Variants in EMID1 observed in about 807,000 individuals in gnomAD.
EMID1 encodes the protein EMI domain-containing protein 1.
EMID1 carries 40 observed loss-of-function variants against 60.6 expected under a neutral mutation model. That is an observed-to-expected ratio of 0.66 (90% CI 0.51 to 0.86). The LOEUF is 0.86. Ranked by LOEUF, EMID1 falls within the 40% of genes least tolerant of loss-of-function variation. The probability of loss-of-function intolerance (pLI) is 0.00; values close to 1 mark genes in which losing one functional copy is unlikely to be tolerated. For synonymous variants in EMID1, 242 were observed against 231.0 expected (o/e 1.05, Z -0.43); for missense variants, 585 against 597.1 (o/e 0.98, Z 0.21).
intron 13 of EMID1, among the ~76,000 whole-genome samples, chr22:29,250,905 T>A (rs1378173442): frequency 6.7e-6 from 1 of 150,186 alleles, no homozygotes; most frequent in Admixed American, 6.7e-5. Context: ...TGGAATTTTT[T>A]AAGATCATCT....
chr22:29,246,841 C>A (rs10427715), intron 13 of EMID1, among the ~76,000 whole-genome samples: 6,990 of 152,220 alleles, frequency 0.046, 524 homozygotes, highest in African/African-American at 0.16. Flanking sequence ...AAAATACAGA[C>A]AAGAACTCAC....
intron 13 of EMID1, among the ~76,000 whole-genome samples, chr22:29,249,414 G>A (rs1398113404): frequency 6.6e-6 from 1 of 151,788 alleles, no homozygotes; most frequent in Non-Finnish European, 1.5e-5. Context: ...TTACAGGCGT[G>A]CACGCACACC....
intron 12 of EMID1, among the ~76,000 whole-genome samples, chr22:29,241,950 A>G (rs4823023): frequency 0.59 from 89,367 of 151,510 alleles, 26,479 homozygotes; most frequent in Middle Eastern, 0.64. Context: ...TTGCTCTGTC[A>G]CCCAGGCTGG....
At chr22:29,236,560 G>A (rs891062682) in intron 12 of EMID1, among the ~76,000 whole-genome samples, 2 of 151,860 alleles carry the variant, frequency 1.3e-5, no homozygotes, top group African/African-American at 2.4e-5. Context: ...GTATGGTGGC[G>A]CACTCCTGTA....
chr22:29,211,599 C>T (rs756598075), intron 1 of EMID1, among the ~76,000 whole-genome samples: 1 of 152,112 alleles, frequency 6.6e-6, no homozygotes, highest in East Asian at 1.9e-4. Flanking sequence ...TCTGTGTGTA[C>T]GTGCTCACTG....
intron 8 of EMID1, 190 bp downstream of exon 8, chr22:29,232,592 G>C: frequency 1.6e-6 from 1 of 644,780 alleles, no homozygotes; most frequent in Admixed American, 3.5e-5. Context: ...GACCAGAGAG[G>C]GAAGGTGGCT....
intron 5 of EMID1, among the ~76,000 whole-genome samples, chr22:29,229,909 T>C (rs1327334037): frequency 6.6e-6 from 1 of 152,196 alleles, no homozygotes; most frequent in Non-Finnish European, 1.5e-5. Context: ...ATCTGGCCTT[T>C]CGTTGGTCCT....
chr22:29,231,374 G>A (rs1200351311), intron 6 of EMID1: 2 of 822,978 alleles, frequency 2.4e-6, no homozygotes, highest in East Asian at 2.7e-5. Context: ...AGGTCGGGGG[G>A]AGCTGGGAGT....
At chr22:29,240,733 C>T (rs2146357642) in intron 12 of EMID1, among the ~76,000 whole-genome samples, 1 of 152,364 alleles carries the variant, frequency 6.6e-6, no homozygotes, top group East Asian at 1.9e-4. Flanking sequence ...ATCCTTGCCA[C>T]CTGTTTCTTT....
chr22:29,252,320 T>C (rs941687725), intron 13 of EMID1, among the ~76,000 whole-genome samples: 1 of 152,208 alleles, frequency 6.6e-6, no homozygotes, highest in Non-Finnish European at 1.5e-5. Flanking sequence ...GAGAGACCTC[T>C]TAGTTGTTTA....
At chr22:29,219,481 A>C (rs2040210832) in intron 3 of EMID1, among the ~76,000 whole-genome samples, 2 of 152,296 alleles carry the variant, frequency 1.3e-5, no homozygotes, top group South Asian at 4.1e-4. Flanking sequence ...GGTCGACCAC[A>C]AAATAGCCTA....
intron 3 of EMID1, among the ~76,000 whole-genome samples, chr22:29,220,870 T>G (rs2040265670): frequency 6.6e-6 from 1 of 152,050 alleles, no homozygotes; most frequent in African/African-American, 2.4e-5. Context: ...GAAGAGCTGC[T>G]TATGGGGCCC....
intron 13 of EMID1, among the ~76,000 whole-genome samples, chr22:29,249,328 G>A (rs1017293494): frequency 1.6e-4 from 24 of 151,890 alleles, no homozygotes; most frequent in African/African-American, 4.4e-4. Flanking sequence ...GTGCAGTGGC[G>A]TGATCTCAGC....
chr22:29,208,375 C>T lies in EMID1; in HGVS notation c.101+2236C>T, dbSNP rs117919721. On this transcript the variant is annotated intron_variant, in intron 1 of 14. Transcript: ENST00000334018. ...TTGGAGACCCCCGGAACCAGGGTGCCCAAGGGCTATGCAGAGCTGCCTTGG... is the reference window on the plus strand; with the variant it reads ...TTGGAGACCCCCGGAACCAGGGTGCTCAAGGGCTATGCAGAGCTGCCTTGG... Among the ~76,000 whole-genome samples, 720 of 152,300 alleles carry T rather than the reference C, an allele frequency of 4.7e-3. 5 individuals carry two copies. The highest frequency in any genetic ancestry group is 8.2e-3 in the Non-Finnish European group (558 of 68,004).
chr22:29,232,748 G>C, intron 8 of EMID1: 1 of 240,704 alleles, frequency 4.2e-6, no homozygotes, highest in Non-Finnish European at 8.0e-6. Flanking sequence ...GGACGCAAAA[G>C]ACCCGGCGGC....
At chr22:29,255,515 A>G in intron 14 of EMID1, 1 of 558,882 alleles carries the variant, frequency 1.8e-6, no homozygotes, top group South Asian at 3.3e-5. Flanking sequence ...CCTGGCAGAG[A>G]GAAGGCTCTG....
chr22:29,232,451 A>C, intron 8 of EMID1, 49 bp downstream of exon 8: 2 of 1,497,034 alleles, frequency 1.3e-6, no homozygotes, highest in Non-Finnish European at 1.8e-6. Context: ...TGGAGTAGCC[A>C]TCAGCACAGT....
intron 1 of EMID1, among the ~76,000 whole-genome samples, chr22:29,214,514 C>T (rs2040009856): frequency 6.6e-6 from 1 of 152,122 alleles, no homozygotes; most frequent in Non-Finnish European, 1.5e-5. Flanking sequence ...TGTGACACTG[C>T]CTCTAGGGAG....
intron 3 of EMID1, among the ~76,000 whole-genome samples, chr22:29,218,672 G>A: frequency 6.6e-6 from 1 of 152,196 alleles, no homozygotes. Flanking sequence ...GCAATGCCAG[G>A]GCCATGTCAG....
Sources: allele counts gnomAD v4.1 joint callset (sites outside exome capture counted in the v4.1 genomes callset), GRCh38; gene constraint gnomAD v4.1.1; transcripts MANE v1.5; gene names NCBI Gene and HGNC (gene_info 2026-07-23, HGNC 2026-07-21).